PLCD4: variants seen among roughly 807,000 people sequenced by gnomAD.
The protein encoded by PLCD4 is phospholipase C delta 4, also known as 1-phosphatidylinositol 4,5-bisphosphate phosphodiesterase delta-4.
PLCD4 carries 63 observed loss-of-function variants against 90.2 expected under a neutral mutation model. The ratio of observed to expected loss-of-function variants is 0.70; its 90% CI spans 0.57 to 0.86. The LOEUF is 0.86. PLCD4 is among the 40% of genes least tolerant of loss of function. PLCD4 has a pLI of 0.00. For missense variants in PLCD4, 830 were observed against 956.3 expected (o/e 0.87, Z 1.74); for synonymous variants, 294 against 356.5 (o/e 0.82, Z 1.97).
chr2:218,634,158 G>T lies in PLCD4; in HGVS notation c.1660G>T (p.Gly554Cys), dbSNP rs369726189. The change falls in exon 12 of 16, where the codon GGC becomes TGC. Residue 554 changes from glycine to cysteine, a missense_variant. Transcript: ENST00000450993. The surrounding 1 kb of genome is among the most constrained non-coding windows in gnomAD (Gnocchi z 4.0). ...TWQLSRVYPS[G>C]LRTDSSNYNP... is the part of the protein sequence containing the mutation. Reference sequence around the variant, plus strand: ...GCAGTTAAGCCGTGTGTATCCCAGCGGCCTGAGGACAGACTCTTCCAACTA... The same window carrying T: ...GCAGTTAAGCCGTGTGTATCCCAGCTGCCTGAGGACAGACTCTTCCAACTA... 77 of 1,612,682 alleles carry T rather than the reference G, an allele frequency of 4.8e-5. No individual in the cohort carries two copies. The Middle Eastern group carries it at 2.0e-3, about 41-fold the overall frequency.
At position 218,634,224 on chromosome 2, in the gene PLCD4, G is replaced by A; in HGVS notation, c.1723+3G>A. ...CTGGAATGCAGGCTGCCAGATGGGT[G>A]AGGAGGCAGCAGGGACTGGGAAGAG... On this transcript the variant is annotated splice_donor_region_variant and intron_variant, in intron 12 of 15. Coordinates refer to ENST00000450993, the MANE Select transcript of PLCD4 (RefSeq NM_032726.4). The surrounding 1 kb of genome is among the most constrained non-coding windows in gnomAD (Gnocchi z 4.0). 6.2e-7 allele frequency: 1 copy of A among 1,606,914 alleles called. No homozygotes were observed. The highest frequency in any genetic ancestry group is 1.1e-5 in the South Asian group (1 of 89,904).
chr2:218,630,337 G>A (rs1696307238), intron 8 of PLCD4, among the ~76,000 whole-genome samples: 1 of 152,212 alleles, frequency 6.6e-6, no homozygotes. Context: ...CACATAACCA[G>A]GGAATGTGGC....
intron 1 of PLCD4, among the ~76,000 whole-genome samples, chr2:218,612,130 G>A (rs1158871406): frequency 2.0e-5 from 3 of 149,560 alleles, no homozygotes; most frequent in South Asian, 4.3e-4. Context: ...GGATGGTCTC[G>A]ATCTCTTGAC....
intron 1 of PLCD4, among the ~76,000 whole-genome samples, chr2:218,615,390 C>T (rs1266130745): frequency 1.3e-5 from 2 of 152,036 alleles, no homozygotes; most frequent in African/African-American, 4.8e-5. Flanking sequence ...GGACATCCAG[C>T]AAGATGTTAG....
At position 218,634,593 on chromosome 2, in the gene PLCD4, C is replaced by T; in HGVS notation, c.1859C>T (p.Pro620Leu). ...CAGAGTTCTTTCCACCCTGAGAAGCCCATCAGCCCTTTCAAAGCCCAGACT... is the reference window on the plus strand; with the variant it reads ...CAGAGTTCTTTCCACCCTGAGAAGCTCATCAGCCCTTTCAAAGCCCAGACT... ...DIQSSFHPEK[P>L]ISPFKAQTLL... The change falls in exon 13 of 16, where the codon CCC becomes CTC. Residue 620 changes from proline (P) to leucine (L), a missense_variant. Coordinates refer to ENST00000450993, the MANE Select transcript of PLCD4 (RefSeq NM_032726.4). The surrounding 1 kb of genome is among the most constrained non-coding windows in gnomAD (Gnocchi z 4.0). 1 of 1,614,022 alleles carries T rather than the reference C, an allele frequency of 6.2e-7. No homozygotes were observed. Among genetic ancestry groups the T allele is most frequent in the East Asian group, 2.2e-5 (1 of 44,880 alleles).
chr2:218,613,132 T>C (rs1378422919), intron 1 of PLCD4, among the ~76,000 whole-genome samples: 1 of 152,172 alleles, frequency 6.6e-6, no homozygotes, highest in East Asian at 1.9e-4. Context: ...GGCTCATGCC[T>C]GTAATCCCGG....
At chr2:218,613,378 C>T (rs1299796878) in intron 1 of PLCD4, among the ~76,000 whole-genome samples, 1 of 59,098 alleles carries the variant, frequency 1.7e-5, no homozygotes, top group Non-Finnish European at 3.1e-5. Context: ...GTAATAAGAG[C>T]AAAAGTCTGT....
chr2:218,629,767 C>A, intron 8 of PLCD4, 104 bp downstream of exon 8: 2 of 1,273,804 alleles, frequency 1.6e-6, no homozygotes, highest in South Asian at 1.5e-5. Flanking sequence ...GAAGTTCCAT[C>A]AAAAGAGGAT....
intron 1 of PLCD4, among the ~76,000 whole-genome samples, chr2:218,610,960 T>C (rs1052806451): frequency 6.6e-6 from 1 of 152,162 alleles, no homozygotes; most frequent in African/African-American, 2.4e-5. Flanking sequence ...ACTCCTGGCC[T>C]TACATGATCT....
chr2:218,633,356 G>T (rs12989964), intron 10 of PLCD4: 30,977 of 703,466 alleles, frequency 0.044, 951 homozygotes, highest in East Asian at 0.11. Context: ...AGTACATGCA[G>T]ACCGCCTTTA....
chr2:218,618,835 G>A, intron 4 of PLCD4, 28 bp downstream of exon 4: 1 of 1,552,032 alleles, frequency 6.4e-7, no homozygotes, highest in Non-Finnish European at 8.7e-7. Context: ...TCAGGGTGGG[G>A]GTGAGGGATC....
chr2:218,636,783 C>T lies in PLCD4; in HGVS notation c.*206C>T. 3.1e-6 allele frequency: 2 copies of T among 645,288 alleles called. No homozygotes were observed. Among genetic ancestry groups the T allele is most frequent in the East Asian group, 6.1e-5 (2 of 32,820 alleles). The allele number at this position is 645,288 out of a possible 1,614,324, so 40.0% of individuals were successfully genotyped here. A position where few individuals can be genotyped will look rare whatever the true frequency, so the allele number is the denominator to read the frequency against. On this transcript the variant is annotated 3_prime_UTR_variant, in exon 16 of 16. Transcript: ENST00000450993. ...CTCTTTTCTTCCCTTCCTTTGTTTT[C>T]ATAAGCCTTTGGTATCTTTCCTGCC... is the stretch of plus-strand genomic sequence containing the variant.
intron 3 of PLCD4, among the ~76,000 whole-genome samples, chr2:218,616,925 TATA>T (rs1695621690): frequency 4.5e-5 from 1 of 22,236 alleles, no homozygotes; most frequent in Non-Finnish European, 8.1e-5. Flanking sequence ...TATATATATA[TATA>T]GAGAGAGAGA....
In PLCD4 at chr2:218,629,609, C is replaced by T; in HGVS notation, c.1065C>T (p.Thr355=). ...TCGTTTACCACGGACACACCCTGAC[C>T]TCCCGCATCCTGTTCAAAGATGTCG... ...EPVVYHGHTL[T]SRILFKDVVA... Residue 355 remains threonine (T), a synonymous_variant, in exon 8 of 16, where the codon ACC becomes ACT. Transcript: ENST00000450993. 1.9e-6 allele frequency: 3 copies of T among 1,613,778 alleles called. No individual in the cohort carries two copies. The highest frequency in any genetic ancestry group is 1.1e-5 in the South Asian group (1 of 91,032).
chr2:218,626,457 G>A (rs1011011824), intron 6 of PLCD4, among the ~76,000 whole-genome samples: 8 of 152,260 alleles, frequency 5.3e-5, no homozygotes, highest in Middle Eastern at 3.4e-3. Flanking sequence ...GACACCTGGC[G>A]GCCTGGGTTC....
At position 218,627,643 on chromosome 2, in the gene PLCD4, G is replaced by T. The variant is rs544147331; in HGVS notation, c.773-386G>T. On this transcript the variant is annotated intron_variant, in intron 6 of 15. Coordinates refer to ENST00000450993, the MANE Select transcript of PLCD4 (RefSeq NM_032726.4). ...TTCTCCTGCCTCAGCCTCCCGAGTA[G>T]CTGGGACTACAGGCGCCCACCACCG... Among the ~76,000 whole-genome samples the T allele has an allele frequency of 5.4e-3, 819 of 151,898 alleles. 12 individuals are homozygous for T. The highest frequency in any genetic ancestry group is 0.019 in the African/African-American group (769 of 41,440).
At chr2:218,628,842 C>T (rs906076093) in intron 7 of PLCD4, 3 of 153,702 alleles carry the variant, frequency 2.0e-5, no homozygotes, top group African/African-American at 7.2e-5. Flanking sequence ...ATATAGTTTC[C>T]ACCTTAGGAA....
chr2:218,630,534 T>C (rs1696314819), intron 8 of PLCD4, 116 bp from the exon 9 acceptor site: 2 of 1,200,972 alleles, frequency 1.7e-6, no homozygotes, highest in Non-Finnish European at 2.4e-6. Flanking sequence ...AAGAGTTTAG[T>C]GATCAGGGTA....
chr2:218,632,816 C>T (rs1668197721), intron 10 of PLCD4, among the ~76,000 whole-genome samples: 1 of 152,080 alleles, frequency 6.6e-6, no homozygotes, highest in East Asian at 1.9e-4. Flanking sequence ...TAGGAAGGGC[C>T]AGCAGTAGCC....
Sources: allele counts gnomAD v4.1 joint callset (sites outside exome capture counted in the v4.1 genomes callset), GRCh38; gene constraint gnomAD v4.1.1; non-coding constraint Gnocchi (gnomAD v3.1); transcripts MANE v1.5; gene names NCBI Gene and HGNC (gene_info 2026-07-23, HGNC 2026-07-21).